The following SLC14A2 variants were observed in gnomAD, a reference collection of about 807,000 sequenced individuals.
The protein encoded by SLC14A2 is urea transporter 2.
A neutral mutation model predicts 104.6 loss-of-function variants in SLC14A2; 91 were observed. The ratio of observed to expected loss-of-function variants is 0.87; its 90% CI spans 0.73 to 1.04. The LOEUF is 1.04. Among genes scored for constraint, SLC14A2 ranks in the 50% least tolerant of loss-of-function variants. SLC14A2 has a pLI of 0.00. For missense variants in SLC14A2, 1,189 were observed against 1,156.0 expected, an observed-to-expected ratio of 1.03 and a Z score of -0.41; for synonymous variants, 476 against 466.4, an observed-to-expected ratio of 1.02 and a Z score of -0.27.
At chr18:45,263,105 C>T (rs953744754) in intron 1 of SLC14A2, among the ~76,000 whole-genome samples, 18 of 152,300 alleles carry the variant, frequency 1.2e-4, no homozygotes, top group South Asian at 8.3e-4. Context: ...CAGGGACCTA[C>T]GTCACATTGA....
At chr18:45,415,116 A>G (rs2086262645) in intron 1 of SLC14A2, among the ~76,000 whole-genome samples, 1 of 152,128 alleles carries the variant, frequency 6.6e-6, no homozygotes, top group Non-Finnish European at 1.5e-5. Flanking sequence ...GCTAACCCTG[A>G]CATGAGCCAG....
chr18:45,590,018 G>A (rs951461740), intron 2 of SLC14A2, among the ~76,000 whole-genome samples: 20 of 152,164 alleles, frequency 1.3e-4, no homozygotes, highest in Non-Finnish European at 2.1e-4. Context: ...CTCCCAAGTG[G>A]GTGAATATCT....
chr18:45,299,046 T>A (rs529347729), intron 1 of SLC14A2, among the ~76,000 whole-genome samples: 1 of 152,352 alleles, frequency 6.6e-6, no homozygotes, highest in South Asian at 2.1e-4. Flanking sequence ...TAGTTTTGTT[T>A]TGCAAATTAG....
At chr18:45,607,600 C>G (rs946720845) in intron 2 of SLC14A2, among the ~76,000 whole-genome samples, 5 of 152,204 alleles carry the variant, frequency 3.3e-5, no homozygotes, top group Non-Finnish European at 7.3e-5. Context: ...TATTCATTAT[C>G]TATCAAGGTG....
At chr18:45,639,691 T>C in intron 6 of SLC14A2, 55 bp from the exon 7 acceptor site, 1 of 1,586,118 alleles carries the variant, frequency 6.3e-7, no homozygotes, top group Non-Finnish European at 8.6e-7. Context: ...GCCCTGAGTC[T>C]GGTTTTTGCA....
At chr18:45,588,031 G>A (rs112897508) in intron 2 of SLC14A2, among the ~76,000 whole-genome samples, 3,527 of 152,152 alleles carry the variant, frequency 0.023, 85 homozygotes, top group African/African-American at 0.037. Flanking sequence ...TGAAAATGCC[G>A]GATTGACCCT....
chr18:45,223,801 C>T (rs2084086959), intron 1 of SLC14A2, among the ~76,000 whole-genome samples: 1 of 152,192 alleles, frequency 6.6e-6, no homozygotes, highest in Non-Finnish European at 1.5e-5. Flanking sequence ...TTTGGAAACC[C>T]AGAGACCTTC....
chr18:45,580,523 G>C (rs1489640107), intron 2 of SLC14A2, among the ~76,000 whole-genome samples: 4 of 152,198 alleles, frequency 2.6e-5, no homozygotes, highest in Non-Finnish European at 5.9e-5. Flanking sequence ...AAGGAAAACA[G>C]TGCCTAGCCA....
chr18:45,658,058 G>A (rs907423830), intron 10 of SLC14A2, among the ~76,000 whole-genome samples: 4 of 152,134 alleles, frequency 2.6e-5, no homozygotes, highest in Non-Finnish European at 5.9e-5. Context: ...CAAATTATAC[G>A]TGATGTGTCA....
chr18:45,651,642 G>A (rs1259242214), intron 10 of SLC14A2, among the ~76,000 whole-genome samples: 1 of 152,180 alleles, frequency 6.6e-6, no homozygotes, highest in Non-Finnish European at 1.5e-5. Context: ...CTTGTTTGGG[G>A]TGGGTAACCA....
intron 1 of SLC14A2, among the ~76,000 whole-genome samples, chr18:45,263,684 G>T (rs75093376): frequency 6.6e-6 from 1 of 152,134 alleles, no homozygotes; most frequent in Non-Finnish European, 1.5e-5. Context: ...ATGTATATCG[G>T]TTTAGACTCA....
At chr18:45,611,026 G>A (rs1173415116), upstream of SLC14A2, among the ~76,000 whole-genome samples, 1 of 152,182 alleles carries the variant, frequency 6.6e-6, no homozygotes, top group Admixed American at 6.5e-5. Flanking sequence ...CAGAGGATCG[G>A]CACACCCAGG....
chr18:45,463,891 C>T (rs536694587), intron 1 of SLC14A2, among the ~76,000 whole-genome samples: 1 of 152,294 alleles, frequency 6.6e-6, no homozygotes, highest in South Asian at 2.1e-4. Flanking sequence ...AAAGCAGTGT[C>T]CCTGCTCAGA....
intron 1 of SLC14A2, among the ~76,000 whole-genome samples, chr18:45,459,168 G>C (rs2542991): frequency 0.8 from 121,157 of 151,684 alleles, 48,675 homozygotes; most frequent in South Asian, 0.93. Flanking sequence ...CTTGGAGATA[G>C]TCATTTGCCC....
chr18:45,297,595 C>T (rs1177263332), intron 1 of SLC14A2, among the ~76,000 whole-genome samples: 1 of 152,116 alleles, frequency 6.6e-6, no homozygotes, highest in Non-Finnish European at 1.5e-5. Flanking sequence ...GTCTCAATTG[C>T]TTAATCTACA....
Position 45,290,877 on chromosome 18 carries a change from T to C in SLC14A2, c.-125+77686T>C, listed in dbSNP as rs976822901. Among the ~76,000 whole-genome samples the C allele has an allele frequency of 3.3e-5, 5 of 152,220 alleles. No homozygotes were observed. In the South Asian group the frequency reaches 8.3e-4, roughly 25 times the overall value. ...AACACAGTGCTGCCTGAGACGAAGCTGTACAACTTCTCTAATTTGGAAAAT... is the reference window on the plus strand; with the variant it reads ...AACACAGTGCTGCCTGAGACGAAGCCGTACAACTTCTCTAATTTGGAAAAT... On this transcript the variant is annotated intron_variant, in intron 1 of 20. Coordinates refer to the SLC14A2 transcript ENST00000586448.
At chr18:45,613,993 G>C (rs1011818264), upstream of SLC14A2, among the ~76,000 whole-genome samples, 1 of 152,198 alleles carries the variant, frequency 6.6e-6, no homozygotes, top group Non-Finnish European at 1.5e-5. Flanking sequence ...ATTACTCCAG[G>C]GCATGTCAGA....
At chr18:45,337,666 T>G (rs2085350022) in intron 1 of SLC14A2, among the ~76,000 whole-genome samples, 2 of 152,130 alleles carry the variant, frequency 1.3e-5, no homozygotes, top group Admixed American at 1.3e-4. Context: ...ATTAACATGA[T>G]CTCTATAAAT....
the SLC14A2 span, among the ~76,000 whole-genome samples, chr18:45,201,917 A>T: frequency 2.0e-5 from 3 of 152,188 alleles, no homozygotes; most frequent in Admixed American, 1.3e-4. Context: ...CTGAGATAAC[A>T]CAGAATTTCA....
Sources: allele counts gnomAD v4.1 joint callset (sites outside exome capture counted in the v4.1 genomes callset), GRCh38; gene constraint gnomAD v4.1.1; transcripts MANE v1.5; gene names NCBI Gene and HGNC (gene_info 2026-07-23, HGNC 2026-07-21).